DCBLD1: variants seen among roughly 807,000 people sequenced by gnomAD.
DCBLD1 encodes discoidin, CUB and LCCL domain-containing protein 1.
Under a neutral mutation model 71.5 loss-of-function variants are expected in DCBLD1, and 57 were observed. The ratio of observed to expected loss-of-function variants is 0.80; its 90% CI spans 0.64 to 0.99. DCBLD1 has a LOEUF of 0.99. Among genes scored for constraint, DCBLD1 ranks in the 50% least tolerant of loss-of-function variants. The probability of loss-of-function intolerance (pLI) is 0.00; values close to 1 mark genes in which losing one functional copy is unlikely to be tolerated. For missense variants in DCBLD1, 891 were observed against 923.5 expected (o/e 0.96, Z 0.46); for synonymous variants, 380 against 363.8 (o/e 1.04, Z -0.51).
chr6:117,540,731 G>GC lies in DCBLD1; in HGVS notation c.1167dup (p.Arg390GlnfsTer29). On this transcript the variant is annotated frameshift_variant, in exon 10 of 15. Coordinates refer to ENST00000338728, the MANE Select transcript of DCBLD1 (RefSeq NM_001366458.2). LOFTEE classifies it high-confidence loss of function. ...AAACAATTTCATCCCTCCCATCGTG[G>GC]CCAGATATGTGCGGGTTGTCCCCCA... The GC allele has an allele frequency of 6.2e-7, 1 of 1,614,162 alleles. No individual in the cohort carries two copies. The highest frequency in any genetic ancestry group is 1.1e-5 in the South Asian group (1 of 91,084).
chr6:117,553,464 C>T (rs945166110), downstream of DCBLD1, among the ~76,000 whole-genome samples: 2 of 152,138 alleles, frequency 1.3e-5, no homozygotes, highest in African/African-American at 4.8e-5. Flanking sequence ...TTCTTCCTTT[C>T]ATTGGAGGTC....
intron 5 of DCBLD1, among the ~76,000 whole-genome samples, chr6:117,527,612 T>C (rs1020470586): frequency 6.6e-6 from 1 of 152,168 alleles, no homozygotes; most frequent in Non-Finnish European, 1.5e-5. Context: ...GGGATGCCAA[T>C]TTCAGCTGCA....
chr6:117,524,733 A>G (rs982729467), intron 4 of DCBLD1, among the ~76,000 whole-genome samples: 1 of 152,204 alleles, frequency 6.6e-6, no homozygotes, highest in Non-Finnish European at 1.5e-5. Flanking sequence ...TGTTTATTAC[A>G]TTTAGAAATG....
intron 6 of DCBLD1, 125 bp downstream of exon 6, chr6:117,532,518 A>G (rs946386578): frequency 1.6e-6 from 2 of 1,230,904 alleles, no homozygotes; most frequent in Non-Finnish European, 2.2e-6. Context: ...CTGGAAAAAT[A>G]TGCATGAGTG....
In DCBLD1 at chr6:117,539,313, G is replaced by A. The variant is rs549195949; in HGVS notation, c.1035G>A (p.Val345=). The A allele has an allele frequency of 4.4e-6, 7 of 1,609,010 alleles. No individual in the cohort carries two copies. The highest frequency in any genetic ancestry group is 1.1e-5 in the South Asian group (1 of 90,144). ...SNFNFYVKSF[V]MNFKNNNSKW... Reference sequence around the variant, plus strand: ...TCAACTTTTATGTTAAGAGTTTTGTGATGAACTTCAAAAACAATAATTCTA... The same window carrying A: ...TCAACTTTTATGTTAAGAGTTTTGTAATGAACTTCAAAAACAATAATTCTA... Residue 345 remains valine (V), a synonymous_variant, in exon 9 of 15, where the codon GTG becomes GTA. Transcript: ENST00000338728.
chr6:117,538,374 G>A (rs930228085), intron 7 of DCBLD1, among the ~76,000 whole-genome samples: 2 of 152,218 alleles, frequency 1.3e-5, no homozygotes, highest in Non-Finnish European at 2.9e-5. Context: ...ACGAAGAGGT[G>A]TCACTTATAA....
chr6:117,558,577 A>T (rs1260499428), intron 14 of DCBLD1, among the ~76,000 whole-genome samples: 1 of 152,246 alleles, frequency 6.6e-6, no homozygotes, highest in Admixed American at 6.5e-5. Context: ...TTTATTACAG[A>T]GAATATAAAG....
At chr6:117,566,251 T>C (rs1022514083) in intron 14 of DCBLD1, among the ~76,000 whole-genome samples, 1 of 152,144 alleles carries the variant, frequency 6.6e-6, no homozygotes, top group African/African-American at 2.4e-5. Flanking sequence ...AGTATTATTA[T>C]GAAAAGCTTT....
chr6:117,566,745 C>T, intron 14 of DCBLD1: 2 of 637,386 alleles, frequency 3.1e-6, no homozygotes, highest in Non-Finnish European at 5.1e-6. Context: ...CTCTTCATTC[C>T]TTTGATTTCC....
chr6:117,552,118 T>TTTG (rs201304598), downstream of DCBLD1, among the ~76,000 whole-genome samples: 1 of 152,088 alleles, frequency 6.6e-6, no homozygotes, highest in East Asian at 1.9e-4. Context: ...AGACCATGTT[T>TTTG]TTGTTGTTGT....
downstream of DCBLD1, chr6:117,549,806 G>T (rs986153710): frequency 1.0e-6 from 1 of 985,286 alleles, no homozygotes; most frequent in Non-Finnish European, 1.2e-6. Flanking sequence ...AACTGCCCCT[G>T]ACTCTCACTA....
chr6:117,505,703 A>T (rs1032966098), intron 2 of DCBLD1, among the ~76,000 whole-genome samples: 3 of 152,198 alleles, frequency 2.0e-5, no homozygotes, highest in African/African-American at 7.2e-5. Flanking sequence ...GCGGTGGCTT[A>T]TGCCTGTAAT....
chr6:117,510,979 A>G (rs554581101), intron 2 of DCBLD1, among the ~76,000 whole-genome samples: 1 of 152,160 alleles, frequency 6.6e-6, no homozygotes, highest in African/African-American at 2.4e-5. Context: ...CAACCTTTAC[A>G]CCTAAGGAAA....
intron 11 of DCBLD1, 144 bp downstream of exon 11, chr6:117,541,169 A>C (rs1489858032): frequency 2.9e-6 from 2 of 689,672 alleles, no homozygotes; most frequent in Non-Finnish European, 4.9e-6. Flanking sequence ...ATGTAAAATG[A>C]TGTATGTTTA....
At chr6:117,563,135 C>T (rs1054428009) in intron 14 of DCBLD1, 8 of 865,546 alleles carry the variant, frequency 9.2e-6, no homozygotes, top group African/African-American at 8.4e-5. Flanking sequence ...CTGAGGTACC[C>T]GCCTTTCATT....
At chr6:117,502,911 T>C (rs1420856745) in intron 1 of DCBLD1, among the ~76,000 whole-genome samples, 2 of 152,228 alleles carry the variant, frequency 1.3e-5, no homozygotes, top group African/African-American at 4.8e-5. Context: ...AACTTCCCTA[T>C]TCAGAAAAGT....
intron 14 of DCBLD1, among the ~76,000 whole-genome samples, chr6:117,556,158 G>C (rs1304895741): frequency 2.0e-5 from 3 of 151,998 alleles, no homozygotes; most frequent in African/African-American, 7.2e-5. Flanking sequence ...TTTTAGTGTC[G>C]GCCTATATTT....
intron 12 of DCBLD1, 27 bp from the exon 13 acceptor site, chr6:117,544,501 A>C (rs1365971496): frequency 6.2e-7 from 1 of 1,612,840 alleles, no homozygotes; most frequent in Non-Finnish European, 8.5e-7. Flanking sequence ...GCTTATAAAT[A>C]TTCAGTAGGA....
intron 14 of DCBLD1, among the ~76,000 whole-genome samples, chr6:117,547,043 T>G (rs989314033): frequency 4.6e-5 from 7 of 152,238 alleles, no homozygotes; most frequent in African/African-American, 1.7e-4. Context: ...AAAGGGTCAC[T>G]TTTCCTCTTT....
Sources: gnomAD v4.1 joint callset for allele counts (sites outside exome capture counted in the v4.1 genomes callset) on GRCh38, gnomAD v4.1.1 for gene constraint, MANE v1.5 for transcripts, NCBI Gene and HGNC (gene_info 2026-07-23, HGNC 2026-07-21) for gene names.